Variants in DIAPH3 observed in about 807,000 individuals in gnomAD.
DIAPH3 encodes protein diaphanous homolog 3.
Under a neutral mutation model 144.3 loss-of-function variants are expected in DIAPH3, and 117 were observed. The observed-to-expected ratio is 0.81, with a 90% confidence interval of 0.70 to 0.95. DIAPH3 has a LOEUF of 0.95. Among genes scored for constraint, DIAPH3 ranks in the 40% least tolerant of loss-of-function variants. DIAPH3 has a pLI of 0.00. For missense variants in DIAPH3, 1,421 were observed against 1,412.7 expected (o/e 1.01, Z -0.09); for synonymous variants, 519 against 488.9 (o/e 1.06, Z -0.81).
At position 59,879,421 on chromosome 13, in the gene DIAPH3, A is replaced by C; in HGVS notation, c.2415T>G (p.Phe805Leu). The C allele has an allele frequency of 1.2e-6, 2 of 1,613,862 alleles. No individual in the cohort carries two copies. Among genetic ancestry groups the C allele is most frequent in the Non-Finnish European group, 1.7e-6 (2 of 1,179,832 alleles). The stretch of plus-strand genomic sequence containing the variant: ...TCACCTGCTCTTCAAACTGAAGCTT[A>C]AAGAGAATAGCACTGAGCCGTGGCC... The part of the protein sequence containing the change: ...RLRPRLSAIL[F>L]KLQFEEQVNN... The change falls in exon 21 of 28, where the codon TTT (phenylalanine) becomes TTG (leucine). Residue 805 changes from phenylalanine (F) to leucine (L), a missense_variant. Coordinates refer to ENST00000400324, the MANE Select transcript of DIAPH3 (RefSeq NM_001042517.2).
chr13:60,033,118 C>A (rs1196111994), intron 5 of DIAPH3, among the ~76,000 whole-genome samples: 2 of 152,228 alleles, frequency 1.3e-5, no homozygotes, highest in Non-Finnish European at 2.9e-5. Flanking sequence ...ATAAGTTCCT[C>A]ATTTGCATCT....
intron 20 of DIAPH3, among the ~76,000 whole-genome samples, chr13:59,900,630 G>T (rs991182800): frequency 1.3e-5 from 2 of 152,154 alleles, no homozygotes; most frequent in African/African-American, 4.8e-5. Flanking sequence ...AGTAAGGTTT[G>T]CATATTTCAC....
chr13:59,823,305 T>G (rs2041179919), intron 24 of DIAPH3, among the ~76,000 whole-genome samples: 3 of 152,188 alleles, frequency 2.0e-5, no homozygotes. Flanking sequence ...AAATTATTTT[T>G]CAAAGTTGCA....
chr13:60,148,728 A>C (rs1362709153), intron 1 of DIAPH3, among the ~76,000 whole-genome samples: 1 of 152,228 alleles, frequency 6.6e-6, no homozygotes, highest in African/African-American at 2.4e-5. Context: ...GGTGAGGCTT[A>C]AGACAAAAAT....
chr13:59,699,232 T>TA (rs2033975936), intron 27 of DIAPH3, among the ~76,000 whole-genome samples: 1 of 152,166 alleles, frequency 6.6e-6, no homozygotes, highest in Non-Finnish European at 1.5e-5. Context: ...ATGGTTGGAG[T>TA]AGGCCTCTCT....
intron 13 of DIAPH3, among the ~76,000 whole-genome samples, chr13:59,983,408 G>C (rs886349024): frequency 3.3e-5 from 5 of 151,484 alleles, no homozygotes; most frequent in Non-Finnish European, 7.4e-5. Context: ...GTGTATACAA[G>C]GGTCAGGCTT....
At chr13:59,823,453 CA>C (rs1310928461) in intron 24 of DIAPH3, among the ~76,000 whole-genome samples, 1 of 152,108 alleles carries the variant, frequency 6.6e-6, no homozygotes, top group Non-Finnish European at 1.5e-5. Flanking sequence ...AGTTTGATCT[CA>C]GAATAACAAA....
At chr13:59,873,286 T>C (rs1384678923) in intron 21 of DIAPH3, among the ~76,000 whole-genome samples, 2 of 152,128 alleles carry the variant, frequency 1.3e-5, no homozygotes, top group East Asian at 3.9e-4. Flanking sequence ...CCTCTCAAAA[T>C]ACCCTGAATG....
chr13:59,860,952 T>C (rs1370266227), intron 22 of DIAPH3, among the ~76,000 whole-genome samples: 1 of 152,086 alleles, frequency 6.6e-6, no homozygotes, highest in Non-Finnish European at 1.5e-5. Context: ...GTATGGTGTC[T>C]TCTATAACAA....
chr13:59,796,572 A>G (rs935150601), intron 25 of DIAPH3, among the ~76,000 whole-genome samples: 1 of 152,236 alleles, frequency 6.6e-6, no homozygotes, highest in African/African-American at 2.4e-5. Context: ...TGAGATTCAT[A>G]AATGAAAAGA....
intron 20 of DIAPH3, among the ~76,000 whole-genome samples, chr13:59,908,285 A>T (rs916314655): frequency 6.8e-6 from 1 of 148,140 alleles, no homozygotes; most frequent in Non-Finnish European, 1.5e-5. Flanking sequence ...GAGGCAGGGG[A>T]ATCGCTTGAA....
chr13:59,766,626 C>G (rs564746478), intron 27 of DIAPH3, among the ~76,000 whole-genome samples: 2 of 152,276 alleles, frequency 1.3e-5, no homozygotes, highest in South Asian at 4.1e-4. Flanking sequence ...TCCCCTAAGT[C>G]TTAGCCCCAC....
At chr13:60,091,591 T>A (rs959337684) in intron 4 of DIAPH3, among the ~76,000 whole-genome samples, 3 of 152,058 alleles carry the variant, frequency 2.0e-5, no homozygotes. Flanking sequence ...CCTGGCCTTA[T>A]AGACACTTAA....
At chr13:59,689,290 C>T (rs571504730) in intron 27 of DIAPH3, among the ~76,000 whole-genome samples, 26 of 151,986 alleles carry the variant, frequency 1.7e-4, no homozygotes, top group African/African-American at 6.0e-4. Flanking sequence ...GTTAGGAGTA[C>T]GGCGGCCTCC....
At chr13:60,051,872 C>T (rs1347142547) in intron 4 of DIAPH3, among the ~76,000 whole-genome samples, 1 of 152,112 alleles carries the variant, frequency 6.6e-6, no homozygotes, top group Non-Finnish European at 1.5e-5. Flanking sequence ...AAAGTGAGAA[C>T]ACCGAGCTGA....
At chr13:60,150,896 G>A (rs550393210) in intron 1 of DIAPH3, among the ~76,000 whole-genome samples, 2 of 152,328 alleles carry the variant, frequency 1.3e-5, no homozygotes, top group South Asian at 2.1e-4. Context: ...CTTTTGTGGA[G>A]TGTGGGTTTA....
Position 59,841,055 on chromosome 13 carries a change from C to A in DIAPH3, c.2738-1607G>T, listed in dbSNP as rs2042315297. Reference sequence around the variant, plus strand: ...TGTCTGCTTGTCAATTATCCACAACCAAGATTCTATTTGATTAGGCCAATG... The same window carrying A: ...TGTCTGCTTGTCAATTATCCACAACAAAGATTCTATTTGATTAGGCCAATG... On this transcript the variant is annotated intron_variant, in intron 22 of 27. Coordinates refer to ENST00000400324, the MANE Select transcript of DIAPH3 (RefSeq NM_001042517.2). 2.0e-5 allele frequency among the ~76,000 whole-genome samples: 3 copies of A among 151,978 alleles called. No homozygotes were observed. The South Asian group carries it at 6.2e-4, about 32-fold the overall frequency.
chr13:60,025,106 AT>A (rs1489548052), intron 5 of DIAPH3, among the ~76,000 whole-genome samples: 1 of 151,762 alleles, frequency 6.6e-6, no homozygotes, highest in South Asian at 2.1e-4. Flanking sequence ...GGGGCCACAT[AT>A]TTTTTTCTGC....
At chr13:59,729,899 C>A (rs2035814108) in intron 27 of DIAPH3, among the ~76,000 whole-genome samples, 1 of 140,414 alleles carries the variant, frequency 7.1e-6, no homozygotes, top group South Asian at 2.3e-4. Context: ...GTAGCCTTGA[C>A]TTCCTGGGCT....
Sources: gnomAD v4.1 joint callset for allele counts (sites outside exome capture counted in the v4.1 genomes callset) on GRCh38, gnomAD v4.1.1 for gene constraint, MANE v1.5 for transcripts, NCBI Gene and HGNC (gene_info 2026-07-23, HGNC 2026-07-21) for gene names.